Variants in PCDHB16 observed in about 807,000 individuals in gnomAD.
The protein encoded by PCDHB16 is protocadherin beta-16.
For missense variants in PCDHB16, 1,026 were observed against 989.9 expected (o/e 1.04, Z -0.49); for synonymous variants, 444 against 436.5 (o/e 1.02, Z -0.21).
In PCDHB16 at chr5:141,184,894, A is replaced by C; in HGVS notation, c.*4A>C. The stretch of plus-strand genomic sequence containing the variant: ...TATCCCCAACTTCTCTCCTTAGGGC[A>C]CTAGGAAAGAAATAGATTAAAATTC... On this transcript the variant is annotated 3_prime_UTR_variant, in exon 1 of 1. Coordinates refer to ENST00000609684, the MANE Select transcript of PCDHB16 (RefSeq NM_020957.4). 6.2e-7 allele frequency: 1 copy of C among 1,612,998 alleles called. No homozygotes were observed. The highest frequency in any genetic ancestry group is 1.1e-5 in the South Asian group (1 of 90,972).
At position 141,185,927 on chromosome 5, in the gene PCDHB16, G is replaced by A; in HGVS notation, c.*1037G>A. 4 of 954,096 alleles carry A rather than the reference G, an allele frequency of 4.2e-6. No individual in the cohort carries two copies. Among genetic ancestry groups the A allele is most frequent in the Non-Finnish European group, 5.1e-6 (4 of 788,156 alleles). The allele number at this position is 954,096 out of a possible 1,614,324, so 59.1% of individuals were successfully genotyped here. On this transcript the variant is annotated 3_prime_UTR_variant, in exon 1 of 1. Coordinates refer to ENST00000609684, the MANE Select transcript of PCDHB16 (RefSeq NM_020957.4). Reference sequence around the variant, plus strand: ...TTGTGTTTGTAGACAAAAGGCAAAGGTATTATGTAAAAATATTTAATAATT... The same window carrying A: ...TTGTGTTTGTAGACAAAAGGCAAAGATATTATGTAAAAATATTTAATAATT...
At position 141,184,993 on chromosome 5, in the gene PCDHB16, G is replaced by A; in HGVS notation, c.*103G>A. On this transcript the variant is annotated 3_prime_UTR_variant, in exon 1 of 1. Transcript: ENST00000609684. ...ATAAATTCCTTAACTTCTTATGATT[G>A]TCTTGTTGATTAAATTGTTCATGCT... is the stretch of plus-strand genomic sequence containing the variant. 2 of 1,493,792 alleles carry A rather than the reference G, an allele frequency of 1.3e-6. No individual in the cohort carries two copies. The highest frequency in any genetic ancestry group is 1.4e-5 in the South Asian group (1 of 71,690). 92.5% of individuals were successfully genotyped at this position (1,493,792 alleles called of 1,614,324 possible).
At position 141,183,494 on chromosome 5, in the gene PCDHB16, T is replaced by G; in HGVS notation, c.935T>G (p.Val312Gly). The change falls in exon 1 of 1, where the codon GTT (valine) becomes GGT (glycine). Residue 312 changes from valine to glycine, a missense_variant. Coordinates refer to ENST00000609684, the MANE Select transcript of PCDHB16 (RefSeq NM_020957.4). ...AGAAAGCAAGTAGATTTCGAAATGG[T>G]TACGTCTTATGAAGTGCGCATCAAA... ...RLRKQVDFEMVTSYEVRIKAT... is the reference protein window; with the variant it reads ...RLRKQVDFEMGTSYEVRIKAT... 1 of 1,614,202 alleles carries G rather than the reference T, an allele frequency of 6.2e-7. No individual in the cohort carries two copies. The highest frequency in any genetic ancestry group is 8.5e-7 in the Non-Finnish European group (1 of 1,180,040).
Position 141,185,913 on chromosome 5 carries a change from G to C in PCDHB16, c.*1023G>C, listed in dbSNP as rs1463779164. ...ATGTGTAAATGTGTTTGTGTTTGTA[G>C]ACAAAAGGCAAAGGTATTATGTAAA... On this transcript the variant is annotated 3_prime_UTR_variant, in exon 1 of 1. Transcript: ENST00000609684. 1.2e-5 allele frequency: 12 copies of C among 970,518 alleles called. No individual in the cohort carries two copies. The highest frequency in any genetic ancestry group is 1.4e-5 in the Non-Finnish European group (11 of 803,174). 60.1% of individuals were successfully genotyped at this position (970,518 alleles called of 1,614,324 possible). A position where few individuals can be genotyped will look rare whatever the true frequency, so the allele number is the denominator to read the frequency against.
rs375320902 is a variant in PCDHB16 at position 141,183,797 on chromosome 5, C to A, written c.1238C>A (p.Ala413Glu). The A allele has an allele frequency of 3.1e-5, 50 of 1,614,048 alleles. No homozygotes were observed. Among genetic ancestry groups the A allele is most frequent in the Non-Finnish European group, 4.2e-5 (49 of 1,179,990 alleles). Residue 413 changes from alanine to glutamate, a missense_variant, in exon 1 of 1, where the codon GCA becomes GAA. Ala to Glu is a moderately radical substitution (Grantham distance 107, BLOSUM62 -1). Transcript: ENST00000609684. Reference sequence around the variant, plus strand: ...ACGGAGAGAGCACTCGACAGAGAAGCAAGAGCTGAATATAATATCACCCTC... The same window carrying A: ...ACGGAGAGAGCACTCGACAGAGAAGAAAGAGCTGAATATAATATCACCCTC... ...LVTERALDREARAEYNITLTV... is the reference protein window; with the variant it reads ...LVTERALDREERAEYNITLTV...
In PCDHB16 at chr5:141,184,278, T is replaced by A. The variant is rs111302655; in HGVS notation, c.1719T>A (p.Thr573=). Residue 573 remains threonine, a synonymous_variant, in exon 1 of 1, where the codon ACT becomes ACA. Coordinates refer to ENST00000609684, the MANE Select transcript of PCDHB16 (RefSeq NM_020957.4). ...YPLQNGSAPC[T]ELVPRAAEPG... is the part of the protein sequence containing the mutation. ...TGCAGAACGGCTCCGCGCCCTGCAC[T>A]GAGCTGGTGCCCCGGGCGGCCGAGC... The A allele has an allele frequency of 1.3e-6, 2 of 1,542,772 alleles. No individual in the cohort carries two copies. Among genetic ancestry groups the A allele is most frequent in the South Asian group, 2.2e-5 (2 of 89,076 alleles).
chr5:141,182,401 G>A lies in PCDHB16; in HGVS notation c.-159G>A. On this transcript the variant is annotated 5_prime_UTR_variant, in exon 1 of 1. Transcript: ENST00000609684. ...TCCAGCAAACCGTTTCCCAAAGCCT[G>A]GAAGCAGAAGAATAGCTGAGCCAGA... The A allele has an allele frequency of 1.7e-6, 1 of 575,762 alleles. No individual in the cohort carries two copies. The allele number at this position is 575,762 out of a possible 1,614,324, so 35.7% of individuals were successfully genotyped here.
Position 141,186,131 on chromosome 5 carries a change from T to C in PCDHB16, c.*1241T>C. The C allele has an allele frequency of 1.0e-6, 1 of 997,582 alleles. No individual in the cohort carries two copies. Among genetic ancestry groups the C allele is most frequent in the South Asian group, 4.7e-5 (1 of 21,210 alleles). The allele number at this position is 997,582 out of a possible 1,614,324, so 61.8% of individuals were successfully genotyped here. A position where few individuals can be genotyped will look rare whatever the true frequency, so the allele number is the denominator to read the frequency against. ...TAGCCCTTTCTCTGTAAAATATCCC[T>C]ATGTTTAATCTGTATTTCTTGCTTA... On this transcript the variant is annotated 3_prime_UTR_variant, in exon 1 of 1. Coordinates refer to ENST00000609684, the MANE Select transcript of PCDHB16 (RefSeq NM_020957.4).
rs1554282493 is a variant in PCDHB16, at chr5:141,184,934, G to A, written c.*44G>A. 5.0e-6 allele frequency: 8 copies of A among 1,584,220 alleles called. No homozygotes were observed. The African/African-American group carries it at 6.8e-5, about 13-fold the overall frequency. ...GATTAAAATTCCACCCTTCACAATA[G>A]CTTTGGATTTAATTATTGATAGGAA... On this transcript the variant is annotated 3_prime_UTR_variant, in exon 1 of 1. Coordinates refer to ENST00000609684, the MANE Select transcript of PCDHB16 (RefSeq NM_020957.4).
chr5:141,184,561 C>T lies in PCDHB16; in HGVS notation c.2002C>T (p.Gln668Ter), dbSNP rs782119714. The change falls in exon 1 of 1, where the codon CAG becomes TAG. Residue 668 changes from glutamine (Q) to a stop codon, truncating the protein, a stop_gained. Coordinates refer to ENST00000609684, the MANE Select transcript of PCDHB16 (RefSeq NM_020957.4). LOFTEE classifies it low-confidence loss of function (END_TRUNC). ...LHVLLVDGFS[Q>*]PFLPLPEAAP... ...CGTGCTCCTGGTGGACGGCTTCTCC[C>T]AGCCCTTCCTGCCGCTCCCAGAGGC... 2 of 1,611,700 alleles carry T rather than the reference C, an allele frequency of 1.2e-6. No individual in the cohort carries two copies. The highest frequency in any genetic ancestry group is 8.5e-7 in the Non-Finnish European group (1 of 1,179,774).
Position 141,185,163 on chromosome 5 carries a change from T to C in PCDHB16, c.*273T>C. ...AAATATACTTTATCTTCAAAGTTGA[T>C]GTCATTTAAAATTTTTCCGTCTTTA... On this transcript the variant is annotated 3_prime_UTR_variant, in exon 1 of 1. Coordinates refer to ENST00000609684, the MANE Select transcript of PCDHB16 (RefSeq NM_020957.4). 1 of 1,179,894 alleles carries C rather than the reference T, an allele frequency of 8.5e-7. No individual in the cohort carries two copies. Among genetic ancestry groups the C allele is most frequent in the Non-Finnish European group, 1.1e-6 (1 of 944,266 alleles). The allele number at this position is 1,179,894 out of a possible 1,614,324, so 73.1% of individuals were successfully genotyped here.
chr5:141,183,180 A>G lies in PCDHB16; in HGVS notation c.621A>G (p.Gln207=). 1 of 1,614,220 alleles carries G rather than the reference A, an allele frequency of 6.2e-7. No individual in the cohort carries two copies. Among genetic ancestry groups the G allele is most frequent in the African/African-American group, 1.3e-5 (1 of 75,070 alleles). Residue 207 remains glutamine (Q), a synonymous_variant, in exon 1 of 1, where the codon CAA becomes CAG. Coordinates refer to ENST00000609684, the MANE Select transcript of PCDHB16 (RefSeq NM_020957.4). The part of the protein sequence containing the change: ...DKELDREEEP[Q]LRLTLTALDG... ...AGCTGGATCGGGAGGAGGAGCCTCA[A>G]CTAAGATTAACCCTGACAGCGCTGG...
Position 141,184,584 on chromosome 5 carries a change from G to A in PCDHB16, c.2025G>A (p.Glu675=). The A allele has an allele frequency of 6.2e-7, 1 of 1,612,388 alleles. No homozygotes were observed. Among genetic ancestry groups the A allele is most frequent in the Non-Finnish European group, 8.5e-7 (1 of 1,179,796 alleles). ...CCCAGCCCTTCCTGCCGCTCCCAGA[G>A]GCGGCCCCCGGCCAGACCCAGGCCA... ...GFSQPFLPLP[E]AAPGQTQANS... The change falls in exon 1 of 1, where the codon GAG becomes GAA. Residue 675 remains glutamate (E), a synonymous_variant. Coordinates refer to ENST00000609684, the MANE Select transcript of PCDHB16 (RefSeq NM_020957.4).
Position 141,183,407 on chromosome 5 carries a change from A to G in PCDHB16, c.848A>G (p.Gln283Arg). 1 of 1,614,170 alleles carries G rather than the reference A, an allele frequency of 6.2e-7. No individual in the cohort carries two copies. The change falls in exon 1 of 1, where the codon CAG becomes CGG. Residue 283 changes from glutamine (Q) to arginine (R), a missense_variant. Transcript: ENST00000609684. ...GGAAAAATATCATACACACTCTTTC[A>G]GCCTTCGGAGGATATTAGTAAAACT... ...ANGKISYTLF[Q>R]PSEDISKTLE... is the part of the protein sequence containing the mutation.
rs145552926 is a variant in PCDHB16 at position 141,182,717 on chromosome 5, G to C, written c.158G>C (p.Gly53Ala). Residue 53 changes from glycine to alanine, a missense_variant, in exon 1 of 1, where the codon GGG becomes GCG. Physicochemically the swap from Gly to Ala is moderately conservative, Grantham distance 60 (BLOSUM62 0). Transcript: ENST00000609684. ...GTGGCAAATCTAGGAAAAGACCTGGGGTTGGGGTTGACAGAGATGTCCACC... is the reference window on the plus strand; with the variant it reads ...GTGGCAAATCTAGGAAAAGACCTGGCGTTGGGGTTGACAGAGATGTCCACC... ...SFVANLGKDLGLGLTEMSTRK... is the reference protein window; with the variant it reads ...SFVANLGKDLALGLTEMSTRK... 610 of 1,611,722 alleles carry C rather than the reference G, an allele frequency of 3.8e-4. 1 individual carries two copies. Among genetic ancestry groups the C allele is most frequent in the Non-Finnish European group, 3.3e-4 (393 of 1,178,398 alleles).
rs375793676 is a variant in PCDHB16 at position 141,183,974 on chromosome 5, G to A, written c.1415G>A (p.Ser472Asn). 1.3e-5 allele frequency: 21 copies of A among 1,612,294 alleles called. No homozygotes were observed. Among genetic ancestry groups the A allele is most frequent in the Non-Finnish European group, 1.7e-5 (20 of 1,179,848 alleles). The part of the protein sequence containing the change: ...ENNSPALHIG[S>N]VSATDRDSGT... ...AACAGCCCCGCCCTGCACATCGGCA[G>A]CGTCAGCGCCACAGACAGAGACTCG... Residue 472 changes from serine to asparagine, a missense_variant, in exon 1 of 1, where the codon AGC becomes AAC. Physicochemically the swap from Ser to Asn is conservative, Grantham distance 46. Transcript: ENST00000609684.
Position 141,185,302 on chromosome 5 carries a change from T to G in PCDHB16, c.*412T>G, listed in dbSNP as rs1415180993. On this transcript the variant is annotated 3_prime_UTR_variant, in exon 1 of 1. Transcript: ENST00000609684. Reference sequence around the variant, plus strand: ...GCATGTATTAGGCATATTTCCTATGTTACATTTCTTTTGTCTATTTTCCTT... The same window carrying G: ...GCATGTATTAGGCATATTTCCTATGGTACATTTCTTTTGTCTATTTTCCTT... 5 of 914,862 alleles carry G rather than the reference T, an allele frequency of 5.5e-6. No homozygotes were observed. The African/African-American group carries it at 9.0e-5, about 17-fold the overall frequency. 56.7% of individuals were successfully genotyped at this position (914,862 alleles called of 1,614,324 possible).
At position 141,182,535 on chromosome 5, in the gene PCDHB16, T is replaced by C; in HGVS notation, c.-25T>C. 1 of 1,509,822 alleles carries C rather than the reference T, an allele frequency of 6.6e-7. No individual in the cohort carries two copies. The highest frequency in any genetic ancestry group is 2.3e-5 in the East Asian group (1 of 43,978). The allele number at this position is 1,509,822 out of a possible 1,614,324, so 93.5% of individuals were successfully genotyped here. On this transcript the variant is annotated 5_prime_UTR_variant, in exon 1 of 1. It removes the in-frame stop codon of an upstream open reading frame in the 5' UTR. Coordinates refer to ENST00000609684, the MANE Select transcript of PCDHB16 (RefSeq NM_020957.4). The stretch of plus-strand genomic sequence containing the variant: ...ATCCTGGGGATACATGAAGCTTCTG[T>C]GAACCAACTTTTCAAGAAAAAGCAA...
chr5:141,184,670 C>T lies in PCDHB16; in HGVS notation c.2111C>T (p.Ser704Leu), dbSNP rs781944169. 4 of 1,611,666 alleles carry T rather than the reference C, an allele frequency of 2.5e-6. No individual in the cohort carries two copies. The African/African-American group carries it at 4.0e-5, about 16-fold the overall frequency. The change falls in exon 1 of 1, where the codon TCG (serine) becomes TTG (leucine). Residue 704 changes from serine (S) to leucine (L), a missense_variant. Physicochemically the swap from Ser to Leu is moderately radical, Grantham distance 145 (BLOSUM62 -2). Coordinates refer to ENST00000609684, the MANE Select transcript of PCDHB16 (RefSeq NM_020957.4). ...LASVSSLFLF[S>L]VLLFVAVRLC... ...TCGGTGTCGTCGCTCTTCCTCTTTTCGGTGCTCCTGTTCGTGGCGGTGCGG... is the reference window on the plus strand; with the variant it reads ...TCGGTGTCGTCGCTCTTCCTCTTTTTGGTGCTCCTGTTCGTGGCGGTGCGG...
Sources: gnomAD v4.1 joint callset for allele counts on GRCh38, gnomAD v4.1.1 for gene constraint, MANE v1.5 for transcripts, NCBI Gene and HGNC (gene_info 2026-07-23, HGNC 2026-07-21) for gene names.